ZNF385D: variants seen among roughly 807,000 people sequenced by gnomAD.
The protein encoded by ZNF385D is zinc finger protein 385D, also known as zinc finger protein 659.
In ZNF385D, 15 loss-of-function variants were observed where a neutral mutation model predicts 35.8. The observed-to-expected ratio is 0.42, with a 90% CI of 0.28 to 0.64. The LOEUF is 0.64. Ranked by LOEUF, ZNF385D falls within the 30% of genes least tolerant of loss-of-function variation. The pLI is 0.23. For missense variants in ZNF385D, 474 were observed against 494.6 expected (o/e 0.96, Z 0.39); for synonymous variants, 212 against 186.8 (o/e 1.13, Z -1.10).
At chr3:22,067,326 G>C (rs1157855397) in intron 3 of ZNF385D, among the ~76,000 whole-genome samples, 1 of 152,100 alleles carries the variant, frequency 6.6e-6, no homozygotes, top group Non-Finnish European at 1.5e-5. Flanking sequence ...TTTAATAACT[G>C]TCTTATGTTC....
chr3:22,170,768 A>C (rs544944957), intron 2 of ZNF385D, among the ~76,000 whole-genome samples: 1 of 152,310 alleles, frequency 6.6e-6, no homozygotes, highest in African/African-American at 2.4e-5. Context: ...AGAACATTTC[A>C]AAACTTCTTT....
At chr3:21,757,411 G>A (rs981224790) in intron 3 of ZNF385D, among the ~76,000 whole-genome samples, 2 of 152,016 alleles carry the variant, frequency 1.3e-5, no homozygotes, top group African/African-American at 4.8e-5. Flanking sequence ...CCAAAGTGCT[G>A]GGATTACAGG....
intron 2 of ZNF385D, among the ~76,000 whole-genome samples, chr3:22,238,922 T>C (rs1172482849): frequency 6.7e-6 from 1 of 150,150 alleles, no homozygotes; most frequent in Non-Finnish European, 1.5e-5. Context: ...AGACAGGGTC[T>C]TGCCATGTTG....
chr3:21,800,667 A>G (rs903150877), intron 3 of ZNF385D, among the ~76,000 whole-genome samples: 4 of 152,098 alleles, frequency 2.6e-5, no homozygotes, highest in African/African-American at 9.7e-5. Context: ...TTCTATTGTA[A>G]GTGGAATTGC....
chr3:22,039,319 T>C (rs530589645), intron 3 of ZNF385D, among the ~76,000 whole-genome samples: 17 of 150,948 alleles, frequency 1.1e-4, no homozygotes, highest in Non-Finnish European at 2.5e-4. Flanking sequence ...GATGGCATGC[T>C]ATTCCCAGAA....
intron 2 of ZNF385D, among the ~76,000 whole-genome samples, chr3:22,290,968 G>T (rs1380202997): frequency 6.6e-6 from 1 of 152,090 alleles, no homozygotes; most frequent in Non-Finnish European, 1.5e-5. Context: ...AGGAACAAGA[G>T]ACTGCTCTGA....
intron 3 of ZNF385D, among the ~76,000 whole-genome samples, chr3:21,996,239 A>T (rs564325786): frequency 6.6e-6 from 1 of 152,164 alleles, no homozygotes; most frequent in South Asian, 2.1e-4. Flanking sequence ...CACAAGCATC[A>T]AGGGACTCTT....
At chr3:21,479,784 T>C (rs1176496992) in intron 4 of ZNF385D, among the ~76,000 whole-genome samples, 1 of 152,198 alleles carries the variant, frequency 6.6e-6, no homozygotes, top group East Asian at 1.9e-4. Context: ...TTAATATTCA[T>C]TACAAAAGCC....
chr3:22,340,006 T>C (rs543842443), intron 2 of ZNF385D, among the ~76,000 whole-genome samples: 219 of 152,342 alleles, frequency 1.4e-3, no homozygotes, highest in African/African-American at 4.7e-3. Flanking sequence ...AGTCATGTAC[T>C]CATACTTATT....
intron 2 of ZNF385D, among the ~76,000 whole-genome samples, chr3:21,653,150 T>A (rs1029189532): frequency 1.4e-4 from 21 of 152,182 alleles, no homozygotes; most frequent in Non-Finnish European, 3.1e-4. Context: ...TATTCTATAA[T>A]TCTATTACAT....
At chr3:21,929,328 G>A (rs946758560) in intron 3 of ZNF385D, among the ~76,000 whole-genome samples, 1 of 151,822 alleles carries the variant, frequency 6.6e-6, no homozygotes, top group African/African-American at 2.4e-5. Context: ...AACTAATAAA[G>A]GGCATCTATA....
At chr3:22,096,400 C>A (rs1477474290) in intron 3 of ZNF385D, among the ~76,000 whole-genome samples, 1 of 151,772 alleles carries the variant, frequency 6.6e-6, no homozygotes, top group Non-Finnish European at 1.5e-5. Context: ...TTAAATAGGG[C>A]TTCTTGAATT....
chr3:22,240,815 G>A (rs1251887481), intron 2 of ZNF385D, among the ~76,000 whole-genome samples: 12 of 151,018 alleles, frequency 7.9e-5, no homozygotes, highest in Admixed American at 2.6e-4. Context: ...TAGCACATGT[G>A]TAATATCTCC....
intron 3 of ZNF385D, among the ~76,000 whole-genome samples, chr3:21,831,137 ACAATT>A (rs1256642159): frequency 6.6e-6 from 1 of 152,158 alleles, no homozygotes; most frequent in East Asian, 1.9e-4. Context: ...TTTTAGAGGC[ACAATT>A]CAATAATTTT....
At chr3:21,987,834 A>G (rs1477803487) in intron 3 of ZNF385D, among the ~76,000 whole-genome samples, 2 of 126,470 alleles carry the variant, frequency 1.6e-5, no homozygotes, top group Non-Finnish European at 3.2e-5. Context: ...GTCTTTTCAC[A>G]TAGTCCCATA....
At chr3:22,224,081 A>C (rs1350898618) in intron 2 of ZNF385D, among the ~76,000 whole-genome samples, 3 of 152,204 alleles carry the variant, frequency 2.0e-5, no homozygotes, top group African/African-American at 7.2e-5. Context: ...ACACTTGCCT[A>C]AATATTTTGA....
At chr3:22,137,350 A>C (rs1576382987) in intron 3 of ZNF385D, among the ~76,000 whole-genome samples, 1 of 152,126 alleles carries the variant, frequency 6.6e-6, no homozygotes, top group East Asian at 1.9e-4. Context: ...ATACCAAAAC[A>C]TGGCAGAGAC....
At chr3:22,118,014 T>C (rs1185858344) in intron 3 of ZNF385D, among the ~76,000 whole-genome samples, 1 of 152,098 alleles carries the variant, frequency 6.6e-6, no homozygotes. Flanking sequence ...ATGAACTTTG[T>C]TTAAATAAAA....
chr3:22,172,731 G>A (rs570744082), intron 2 of ZNF385D, among the ~76,000 whole-genome samples: 2 of 152,136 alleles, frequency 1.3e-5, no homozygotes, highest in East Asian at 1.9e-4. Context: ...ACATATTATT[G>A]GATTAATACC....
Sources: allele counts gnomAD v4.1 joint callset (sites outside exome capture counted in the v4.1 genomes callset), GRCh38; gene constraint gnomAD v4.1.1; transcripts MANE v1.5; gene names NCBI Gene and HGNC (gene_info 2026-07-23, HGNC 2026-07-21).